TMEFF1: variants seen among roughly 807,000 people sequenced by gnomAD.
TMEFF1 encodes transmembrane protein with EGF like and two follistatin like domains 1.
In TMEFF1, 20 loss-of-function variants were observed where a neutral mutation model predicts 47.5. The ratio of observed to expected loss-of-function variants is 0.42; its 90% CI spans 0.30 to 0.61. TMEFF1 has a LOEUF of 0.61. TMEFF1 is among the 20% of genes least tolerant of loss of function. TMEFF1 has a pLI of 0.19. For synonymous variants in TMEFF1, 162 were observed against 166.3 expected (o/e 0.97, Z 0.20); for missense variants, 411 against 471.1 (o/e 0.87, Z 1.18).
At chr9:100,521,495 A>G (rs181225348) in intron 5 of TMEFF1, among the ~76,000 whole-genome samples, 175 of 152,342 alleles carry the variant, frequency 1.1e-3, no homozygotes, top group Non-Finnish European at 2.0e-3. Flanking sequence ...ACTTGAAAAC[A>G]GCCTTCCTTT....
intron 8 of TMEFF1, among the ~76,000 whole-genome samples, chr9:100,571,819 G>T (rs1035701220): frequency 6.6e-6 from 1 of 152,164 alleles, no homozygotes; most frequent in Non-Finnish European, 1.5e-5. Context: ...GTCCCATCTG[G>T]GGGTGATGGG....
Position 100,576,541 on chromosome 9 carries a change from C to T in TMEFF1, c.1084C>T (p.Arg362Cys), listed in dbSNP as rs778803925. Residue 362 changes from arginine (R) to cysteine (C), a missense_variant, in exon 10 of 10, where the codon CGT becomes TGT. Coordinates refer to ENST00000374879, the MANE Select transcript of TMEFF1 (RefSeq NM_003692.5). ...AAAATGCCCCAAAAACAATAGAGGA[C>T]GTCGACAGAAGCAAAACCTAGGTCA... Reference protein sequence around the residue: ...TRKCPKNNRGRRQKQNLGHFT... With the variant: ...TRKCPKNNRGCRQKQNLGHFT... 5.4e-5 allele frequency: 87 copies of T among 1,612,754 alleles called. No homozygotes were observed. Among genetic ancestry groups the T allele is most frequent in the Non-Finnish European group, 6.9e-5 (81 of 1,179,516 alleles).
chr9:100,503,728 G>A (rs757195220), intron 2 of TMEFF1, among the ~76,000 whole-genome samples: 1 of 152,166 alleles, frequency 6.6e-6, no homozygotes, highest in Non-Finnish European at 1.5e-5. Context: ...GGAGAAGATC[G>A]ATGTCCTAGC....
intron 5 of TMEFF1, among the ~76,000 whole-genome samples, chr9:100,527,296 A>G (rs1414537667): frequency 6.6e-6 from 1 of 152,244 alleles, no homozygotes; most frequent in South Asian, 2.1e-4. Context: ...GCCACGCAGA[A>G]CACGGTGATT....
chr9:100,576,658 T>C lies in TMEFF1; in HGVS notation c.*58T>C, dbSNP rs1016823482. 6.5e-7 allele frequency: 1 copy of C among 1,547,810 alleles called. No individual in the cohort carries two copies. ...GATGTACATTTATTATGTCTTTTTT[T>C]AAAGAATGGAAATATTTATTTCAGA... On this transcript the variant is annotated 3_prime_UTR_variant, in exon 10 of 10. Transcript: ENST00000374879.
chr9:100,476,486 C>G lies in TMEFF1; in HGVS notation c.196+2746C>G, dbSNP rs78745188. Among the ~76,000 whole-genome samples the G allele has an allele frequency of 7.9e-3, 1,204 of 152,094 alleles. 16 individuals are homozygous for G. The highest frequency in any genetic ancestry group is 0.028 in the African/African-American group (1,159 of 41,480). Reference sequence around the variant, plus strand: ...CCTGGCTGACTGCAACCTCTGGCTCCTGGGTTCAGGTGATTCTCCTGCCTC... The same window carrying G: ...CCTGGCTGACTGCAACCTCTGGCTCGTGGGTTCAGGTGATTCTCCTGCCTC... On this transcript the variant is annotated intron_variant, in intron 1 of 9. Transcript: ENST00000374879.
At chr9:100,565,753 G>C (rs1266056844) in intron 8 of TMEFF1, among the ~76,000 whole-genome samples, 1 of 152,088 alleles carries the variant, frequency 6.6e-6, no homozygotes, top group African/African-American at 2.4e-5. Flanking sequence ...CTGTTTCTCT[G>C]TATCATAGAA....
chr9:100,559,938 A>T (rs1302093344), intron 7 of TMEFF1, among the ~76,000 whole-genome samples: 1 of 151,830 alleles, frequency 6.6e-6, no homozygotes, highest in Non-Finnish European at 1.5e-5. Context: ...ACTGACCTTA[A>T]TAATCATTAA....
At chr9:100,527,039 A>G (rs965978456) in intron 5 of TMEFF1, among the ~76,000 whole-genome samples, 2 of 148,462 alleles carry the variant, frequency 1.3e-5, no homozygotes, top group Non-Finnish European at 3.0e-5. Flanking sequence ...GCTACTCTGG[A>G]GGCTGAGACA....
chr9:100,516,842 G>A (rs150659043), intron 5 of TMEFF1, 71 bp downstream of exon 5: 35,396 of 1,529,628 alleles, frequency 0.023, 481 homozygotes, highest in Non-Finnish European at 0.027. Flanking sequence ...TTGTGGAAAG[G>A]TATCATTTAC....
intron 5 of TMEFF1, among the ~76,000 whole-genome samples, chr9:100,534,750 C>T (rs1426755531): frequency 6.6e-6 from 1 of 152,170 alleles, no homozygotes; most frequent in Non-Finnish European, 1.5e-5. Context: ...TACATTTGAT[C>T]AAGGCATTTC....
intron 1 of TMEFF1, among the ~76,000 whole-genome samples, chr9:100,496,119 T>C (rs1837645578): frequency 6.6e-6 from 1 of 152,260 alleles, no homozygotes; most frequent in Admixed American, 6.5e-5. Context: ...AATCATTCTT[T>C]AGTTTCTTTG....
intron 5 of TMEFF1, among the ~76,000 whole-genome samples, chr9:100,530,664 G>A (rs905379527): frequency 6.6e-5 from 10 of 152,058 alleles, no homozygotes; most frequent in Non-Finnish European, 1.2e-4. Flanking sequence ...GGTACAAGGA[G>A]GAACTGGTAC....
Position 100,509,154 on chromosome 9 carries a change from G to GA in TMEFF1, c.436+22dup. Reference sequence around the variant, plus strand: ...ACTCTGGTATGTATGATATTCTTCTGAATAAATTTTGGAAAATATGGTGGA... The same window carrying GA: ...ACTCTGGTATGTATGATATTCTTCTGAAATAAATTTTGGAAAATATGGTGGA... On this transcript the variant is annotated intron_variant, in intron 3 of 9. Transcript: ENST00000374879. 6.9e-7 allele frequency: 1 copy of GA among 1,456,112 alleles called. No individual in the cohort carries two copies. The highest frequency in any genetic ancestry group is 9.1e-7 in the Non-Finnish European group (1 of 1,100,396). 90.2% of individuals were successfully genotyped at this position (1,456,112 alleles called of 1,614,324 possible).
At chr9:100,559,060 T>C (rs1454227414) in intron 7 of TMEFF1, among the ~76,000 whole-genome samples, 2 of 152,174 alleles carry the variant, frequency 1.3e-5, no homozygotes, top group East Asian at 1.9e-4. Flanking sequence ...TTAGCCATTA[T>C]ATGTACTACA....
chr9:100,550,436 T>C lies in TMEFF1; in HGVS notation c.775+276T>C, dbSNP rs58175576. Among the ~76,000 whole-genome samples, 1,263 of 152,338 alleles carry C rather than the reference T, an allele frequency of 8.3e-3. 8 individuals carry two copies. The highest frequency in any genetic ancestry group is 0.028 in the African/African-American group (1,166 of 41,566). On this transcript the variant is annotated intron_variant, in intron 7 of 9. Transcript: ENST00000374879. Reference sequence around the variant, plus strand: ...GTAAGAAGTTATACAGAAAGATCTCTCAATATGTTTTATAAAAATCCTCTT... The same window carrying C: ...GTAAGAAGTTATACAGAAAGATCTCCCAATATGTTTTATAAAAATCCTCTT...
intron 7 of TMEFF1, among the ~76,000 whole-genome samples, chr9:100,555,154 T>TACACAC (rs1203063692): frequency 6.8e-6 from 1 of 146,010 alleles, no homozygotes; most frequent in African/African-American, 2.5e-5. Context: ...TTTTATATTG[T>TACACAC]ACACACAGAC....
chr9:100,514,757 G>A (rs1355673096), intron 4 of TMEFF1, among the ~76,000 whole-genome samples: 2 of 151,820 alleles, frequency 1.3e-5, no homozygotes, highest in Non-Finnish European at 2.9e-5. Flanking sequence ...CACTTTGGGA[G>A]GCCGAGGCGG....
chr9:100,530,825 C>T (rs1407313158), intron 5 of TMEFF1, among the ~76,000 whole-genome samples: 1 of 151,824 alleles, frequency 6.6e-6, no homozygotes, highest in Admixed American at 6.6e-5. Flanking sequence ...AACATTGATG[C>T]AAAAATCCTC....
Sources: gnomAD v4.1 joint callset for allele counts (sites outside exome capture counted in the v4.1 genomes callset) on GRCh38, gnomAD v4.1.1 for gene constraint, MANE v1.5 for transcripts, NCBI Gene and HGNC (gene_info 2026-07-23, HGNC 2026-07-21) for gene names.